SCGB2A2: variants seen among roughly 807,000 people sequenced by gnomAD.
SCGB2A2 encodes secretoglobin family 2A member 2, also known as mammaglobin-A.
SCGB2A2 carries 11 observed loss-of-function variants against 8.8 expected under a neutral mutation model. The observed-to-expected ratio is 1.25, with a 90% confidence interval of 0.79 to 2.07. The LOEUF (loss-of-function observed/expected upper bound fraction) is 2.07, where lower values mean the gene tolerates loss of function less well. Among genes scored for constraint, SCGB2A2 ranks in the 30% most tolerant of loss-of-function variants. The pLI is 0.00. For synonymous variants in SCGB2A2, 42 were observed against 40.9 expected (o/e 1.03, Z -0.10); for missense variants, 113 against 109.9 (o/e 1.03, Z -0.13).
In SCGB2A2 at chr11:62,271,059, G is replaced by C; in HGVS notation, c.234G>C (p.Glu78Asp). 6.2e-7 allele frequency: 1 copy of C among 1,614,168 alleles called. No homozygotes were observed. Among genetic ancestry groups the C allele is most frequent in the Non-Finnish European group, 8.5e-7 (1 of 1,180,026 alleles). Residue 78 changes from glutamate to aspartate, a missense_variant, in exon 2 of 3, where the codon GAG becomes GAC. Coordinates refer to ENST00000227918, the MANE Select transcript of SCGB2A2 (RefSeq NM_002411.4). Reference protein sequence around the residue: ...NQTDETLSNVEVFMQLIYDSS... With the variant: ...NQTDETLSNVDVFMQLIYDSS... Reference sequence around the variant, plus strand: ...CGGATGAAACTCTGAGCAATGTTGAGGTGTTTATGGTAATTTCATTTTCTT... The same window carrying C: ...CGGATGAAACTCTGAGCAATGTTGACGTGTTTATGGTAATTTCATTTTCTT...
Position 62,272,986 on chromosome 11 carries a change from T to A in SCGB2A2, c.273T>A (p.Asp91Glu). 6.2e-7 allele frequency: 1 copy of A among 1,609,524 alleles called. No homozygotes were observed. The highest frequency in any genetic ancestry group is 8.5e-7 in the Non-Finnish European group (1 of 1,177,852). The change falls in exon 3 of 3, where the codon GAT becomes GAA. Residue 91 changes from aspartate (D) to glutamate (E), a missense_variant. By Grantham distance (45) the Asp-to-Glu change is conservative (BLOSUM62 2). Coordinates refer to ENST00000227918, the MANE Select transcript of SCGB2A2 (RefSeq NM_002411.4). Reference protein sequence around the residue: ...MQLIYDSSLCDLF With the variant: ...MQLIYDSSLCELF ...TAATATATGACAGCAGTCTTTGTGATTTATTTTAACTTTCTGCAAGACCTT... is the reference window on the plus strand; with the variant it reads ...TAATATATGACAGCAGTCTTTGTGAATTATTTTAACTTTCTGCAAGACCTT...
rs143252524 is a variant in SCGB2A2, at chr11:62,273,070, CCTT to C, written c.*78_*80del. On this transcript the variant is annotated 3_prime_UTR_variant, in exon 3 of 3. Transcript: ENST00000227918. Reference sequence around the variant, plus strand: ...CAACTACGGATTGCTGCAAACCACACCTTCTCTTTCTTATGTCTTTTTACTACA... The same window carrying C: ...CAACTACGGATTGCTGCAAACCACACCTCTTTCTTATGTCTTTTTACTACA... 661 of 1,002,320 alleles carry C rather than the reference CCTT, an allele frequency of 6.6e-4. 3 individuals are homozygous for C. In the African/African-American group the frequency reaches 0.01, roughly 15 times the overall value. 62.1% of individuals were successfully genotyped at this position (1,002,320 alleles called of 1,614,324 possible).
intron 2 of SCGB2A2, 71 bp downstream of exon 2, chr11:62,271,139 C>T: frequency 1.2e-6 from 2 of 1,610,564 alleles, no homozygotes; most frequent in Non-Finnish European, 1.7e-6. Flanking sequence ...TCATTTCTCA[C>T]TGACAATGCC....
intron 2 of SCGB2A2, among the ~76,000 whole-genome samples, chr11:62,272,464 A>G (rs1945287165): frequency 6.6e-6 from 1 of 152,144 alleles, no homozygotes; most frequent in African/African-American, 2.4e-5. Flanking sequence ...TAATTTGTTA[A>G]AAACTAATTA....
At chr11:62,272,088 A>G (rs1409722837) in intron 2 of SCGB2A2, 2 of 612,874 alleles carry the variant, frequency 3.3e-6, no homozygotes, top group East Asian at 1.4e-4. Context: ...AAACCCCTCC[A>G]TTAGGATGAA....
chr11:62,271,035 G>A lies in SCGB2A2; in HGVS notation c.210G>A (p.Thr70=), dbSNP rs114921537. Residue 70 remains threonine, a synonymous_variant, in exon 2 of 3, where the codon ACG becomes ACA. Transcript: ENST00000227918. ...TGAAGGAATGTTTTCTTAACCAAAC[G>A]GATGAAACTCTGAGCAATGTTGAGG... is the stretch of plus-strand genomic sequence containing the variant. ...DELKECFLNQ[T]DETLSNVEVF... is the part of the protein sequence containing the mutation. The A allele has an allele frequency of 1.2e-4, 192 of 1,614,166 alleles. 1 individual carries two copies. The East Asian group carries it at 2.6e-3, about 22-fold the overall frequency.
chr11:62,270,174 TCCTTGCCA>T lies in SCGB2A2; in HGVS notation c.-40_-33del. ...CTCACCTCCACAGCGGCTTCCTTGA[TCCTTGCCA>T]CCCGCGACTGAACACCGACAGCAGC... On this transcript the variant is annotated 5_prime_UTR_variant, in exon 1 of 3. Coordinates refer to ENST00000227918, the MANE Select transcript of SCGB2A2 (RefSeq NM_002411.4). 6.2e-7 allele frequency: 1 copy of T among 1,607,208 alleles called. No homozygotes were observed. Among genetic ancestry groups the T allele is most frequent in the Non-Finnish European group, 8.5e-7 (1 of 1,174,022 alleles).
At chr11:62,272,898 A>G in intron 2 of SCGB2A2, 59 bp from the exon 3 acceptor site, 1 of 1,311,596 alleles carries the variant, frequency 7.6e-7, no homozygotes, top group Non-Finnish European at 1.1e-6. Flanking sequence ...GTTTTTCAAG[A>G]TTTTATTTTG....
intron 2 of SCGB2A2, chr11:62,271,503 A>G: frequency 8.2e-7 from 1 of 1,218,044 alleles, no homozygotes; most frequent in Admixed American, 4.0e-5. Context: ...AAAGACACAG[A>G]CACAGACACA....
intron 1 of SCGB2A2, 144 bp downstream of exon 1, chr11:62,270,415 G>A (rs1249766757): frequency 9.1e-6 from 7 of 771,634 alleles, no homozygotes; most frequent in Non-Finnish European, 1.3e-5. Flanking sequence ...ATGTTGCCCA[G>A]GCTGGTCTTG....
At chr11:62,272,057 A>AAAAAAAAAAAAAAC in intron 2 of SCGB2A2, 1 of 796,614 alleles carries the variant, frequency 1.3e-6, no homozygotes, top group South Asian at 5.8e-5. Context: ...AAAAAAAAAA[A>AAAAAAAAAAAAAAC]AAAAAAGTTA....
rs144639322 is a variant in SCGB2A2, at chr11:62,271,103, C to T, written c.243+35C>T. 7.1e-5 allele frequency: 114 copies of T among 1,613,474 alleles called. No individual in the cohort carries two copies. In the East Asian group the frequency reaches 2.5e-3, roughly 35 times the overall value. ...TTTTCTTCCTATAAGCTTTTTAAAT[C>T]CCCTGACCAGGGACAAGTGGGCTCT... On this transcript the variant is annotated intron_variant, in intron 2 of 2. Coordinates refer to ENST00000227918, the MANE Select transcript of SCGB2A2 (RefSeq NM_002411.4).
At chr11:62,271,271 C>A in intron 2 of SCGB2A2, 1 of 1,464,074 alleles carries the variant, frequency 6.8e-7, no homozygotes. Flanking sequence ...CCAGAGAATC[C>A]TCAGTGGATG....
At chr11:62,271,935 AC>A (rs1392686501) in intron 2 of SCGB2A2, 1 of 962,078 alleles carries the variant, frequency 1.0e-6, no homozygotes, top group Non-Finnish European at 1.2e-6. Flanking sequence ...ATTGCCTCAA[AC>A]AAAAACCAAT....
rs540661405 is a variant in SCGB2A2, at chr11:62,270,185, C to T, written c.-32C>T. ...AGCGGCTTCCTTGATCCTTGCCACC[C>T]GCGACTGAACACCGACAGCAGCAGC... On this transcript the variant is annotated 5_prime_UTR_variant, in exon 1 of 3. Transcript: ENST00000227918. 120 of 1,612,056 alleles carry T rather than the reference C, an allele frequency of 7.4e-5. No homozygotes were observed. In the South Asian group the frequency reaches 9.6e-4, roughly 13 times the overall value.
At chr11:62,271,106 C>T (rs1565134011) in intron 2 of SCGB2A2, 38 bp downstream of exon 2, 1 of 1,613,342 alleles carries the variant, frequency 6.2e-7, no homozygotes, top group Non-Finnish European at 8.5e-7. Flanking sequence ...TTTAAATCCC[C>T]TGACCAGGGA....
chr11:62,271,549 A>G (rs918801973), intron 2 of SCGB2A2: 2 of 1,107,152 alleles, frequency 1.8e-6, no homozygotes, highest in Non-Finnish European at 2.2e-6. Flanking sequence ...ATCCAGACAC[A>G]AACACAAACA....
Position 62,270,240 on chromosome 11 carries a change from G to A in SCGB2A2, c.24G>A (p.Met8Ile). The change falls in exon 1 of 3, where the codon ATG (methionine) becomes ATA (isoleucine). Residue 8 changes from methionine to isoleucine, a missense_variant. Physicochemically the swap from Met to Ile is conservative, Grantham distance 10. Coordinates refer to ENST00000227918, the MANE Select transcript of SCGB2A2 (RefSeq NM_002411.4). ...CCATGAAGTTGCTGATGGTCCTCAT[G>A]CTGGCGGCCCTCTCCCAGCACTGCT... Reference protein sequence around the residue: MKLLMVLMLAALSQHCYA... With the variant: MKLLMVLILAALSQHCYA... 1 of 1,613,982 alleles carries A rather than the reference G, an allele frequency of 6.2e-7. No homozygotes were observed. Among genetic ancestry groups the A allele is most frequent in the Non-Finnish European group, 8.5e-7 (1 of 1,179,986 alleles).
At chr11:62,270,809 G>A in intron 1 of SCGB2A2, 72 bp from the exon 2 acceptor site, 1 of 1,096,650 alleles carries the variant, frequency 9.1e-7, no homozygotes, top group Non-Finnish European at 1.3e-6. Flanking sequence ...AGAAGATGAG[G>A]AATGTAATAG....
Sources: gnomAD v4.1 joint callset for allele counts (sites outside exome capture counted in the v4.1 genomes callset) on GRCh38, gnomAD v4.1.1 for gene constraint, MANE v1.5 for transcripts, NCBI Gene and HGNC (gene_info 2026-07-23, HGNC 2026-07-21) for gene names.